EIF4G3: variants seen among roughly 807,000 people sequenced by gnomAD.
The protein encoded by EIF4G3 is eukaryotic translation initiation factor 4 gamma 3, also known as eIF-4-gamma 3.
Under a neutral mutation model 186.4 loss-of-function variants are expected in EIF4G3, and 34 were observed. That is an observed-to-expected ratio of 0.18 (90% CI 0.14 to 0.24). The LOEUF is 0.24. Among genes scored for constraint, EIF4G3 ranks in the 10% least tolerant of loss-of-function variants. The pLI, the probability that EIF4G3 is intolerant of heterozygous loss-of-function variation, is 1.00. For missense variants in EIF4G3, 1,536 were observed against 1,948.5 expected (o/e 0.79, Z 3.99); for synonymous variants, 673 against 679.5 (o/e 0.99, Z 0.15).
chr1:20,977,848 G>T (rs2077162619), intron 10 of EIF4G3, among the ~76,000 whole-genome samples: 1 of 152,012 alleles, frequency 6.6e-6, no homozygotes. Context: ...TATACATATT[G>T]TACAATAGTA....
Position 20,997,595 on chromosome 1 carries a change from C to G in EIF4G3, c.177+6G>C. ...GGGTGATAGTGAAGGGGCAAGGGTA[C>G]AGTACCTGATGATGGGGAGGTCGAG... is the stretch of plus-strand genomic sequence containing the variant. On this transcript the variant is annotated splice_donor_region_variant and intron_variant, in intron 7 of 36. Transcript: ENST00000602326. The G allele has an allele frequency of 6.5e-7, 1 of 1,549,794 alleles. No individual in the cohort carries two copies. The highest frequency in any genetic ancestry group is 8.7e-7 in the Non-Finnish European group (1 of 1,146,580).
At chr1:21,131,112 C>T (rs1029368295) in intron 2 of EIF4G3, among the ~76,000 whole-genome samples, 6 of 151,666 alleles carry the variant, frequency 4.0e-5, no homozygotes, top group South Asian at 2.1e-4. Flanking sequence ...TGCTGGTGCG[C>T]GCCTGTAATC....
intron 2 of EIF4G3, among the ~76,000 whole-genome samples, chr1:21,160,584 A>G (rs1244538732): frequency 6.6e-6 from 1 of 152,236 alleles, no homozygotes; most frequent in African/African-American, 2.4e-5. Context: ...TCATACTGAC[A>G]TCATGAATCT....
intron 8 of EIF4G3, among the ~76,000 whole-genome samples, chr1:20,981,547 TATGTATACATACATAC>T: frequency 7.8e-6 from 1 of 128,512 alleles, no homozygotes; most frequent in Non-Finnish European, 1.6e-5. Context: ...GCACATACTG[TATGTATACATACATAC>T]ATGTATACGC....
At position 20,866,569 on chromosome 1, in the gene EIF4G3, G is replaced by A. The variant is rs1193191901; in HGVS notation, c.2623-1307C>T. ...ATTTCACAGTCAGGCCTATTCTAAA[G>A]TCACACAAGTCAGCCTTCAAGAAAA... On this transcript the variant is annotated intron_variant, in intron 20 of 36. Transcript: ENST00000602326. 2.0e-5 allele frequency among the ~76,000 whole-genome samples: 3 copies of A among 152,152 alleles called. No homozygotes were observed. The East Asian group carries it at 5.8e-4, about 29-fold the overall frequency.
In EIF4G3 at chr1:21,176,231, TGCC is replaced by T. The variant is rs34197724; in HGVS notation, c.-331_-329del. On this transcript the variant is annotated 5_prime_UTR_variant, in exon 2 of 37. Coordinates refer to ENST00000602326, the MANE Select transcript of EIF4G3 (RefSeq NM_001391906.1). ...TGTTCGGGTGAGGAGGGGGGACCGC[TGCC>T]GCCGCCGCCGCCGCCGCCGCCGCCG... 116,747 of 344,176 alleles carry T rather than the reference TGCC, an allele frequency of 0.34. 21,446 individuals carry two copies. Among genetic ancestry groups the T allele is most frequent in the Non-Finnish European group, 0.38 (74,665 of 197,168 alleles). 21.3% of individuals were successfully genotyped at this position (344,176 alleles called of 1,614,324 possible).
intron 2 of EIF4G3, among the ~76,000 whole-genome samples, chr1:21,148,658 C>T (rs951719816): frequency 2.0e-5 from 3 of 147,976 alleles, no homozygotes; most frequent in Non-Finnish European, 4.5e-5. Context: ...GCCGAGATCG[C>T]GCCACTGCAC....
chr1:20,954,513 CGA>C (rs1369295871), intron 12 of EIF4G3, among the ~76,000 whole-genome samples: 2 of 113,340 alleles, frequency 1.8e-5, no homozygotes, highest in African/African-American at 6.8e-5. Context: ...TCCAGCCTGG[CGA>C]GAGAGTCAGA....
At chr1:20,836,310 C>T (rs530134344) in intron 30 of EIF4G3, among the ~76,000 whole-genome samples, 95 of 152,198 alleles carry the variant, frequency 6.2e-4, no homozygotes, top group Admixed American at 4.8e-3. Flanking sequence ...GTGATGCTCT[C>T]GCAGTTCACT....
At chr1:21,148,705 T>TA (rs765374275) in intron 2 of EIF4G3, among the ~76,000 whole-genome samples, 41,604 of 108,818 alleles carry the variant, frequency 0.38, 8,113 homozygotes, top group Non-Finnish European at 0.45. Flanking sequence ...CTGTCTCATT[T>TA]AAAAAAAAAA....
At chr1:21,055,183 A>G (rs1319940193) in intron 3 of EIF4G3, among the ~76,000 whole-genome samples, 1 of 152,116 alleles carries the variant, frequency 6.6e-6, no homozygotes, top group African/African-American at 2.4e-5. Flanking sequence ...AAGCTTATGA[A>G]TTTATATTAT....
Position 21,060,782 on chromosome 1 carries a change from GAA to G in EIF4G3, c.-195-9790_-195-9789del, listed in dbSNP as rs34598369. ...AACACAGCAAGATCCTGTCTCTTAA[GAA>G]AAAAAAAAAAAAAAAAAAAACAAAG... On this transcript the variant is annotated intron_variant, in intron 3 of 36. Coordinates refer to ENST00000602326, the MANE Select transcript of EIF4G3 (RefSeq NM_001391906.1). Among the ~76,000 whole-genome samples, 590 of 117,368 alleles carry G rather than the reference GAA, an allele frequency of 5.0e-3. 3 individuals are homozygous for G. Among genetic ancestry groups the G allele is most frequent in the Admixed American group, 0.011 (118 of 11,164 alleles). The allele number at this position is 117,368 out of a possible 152,430, so 77.0% of individuals were successfully genotyped here.
At chr1:21,137,689 T>TA (rs1346539874) in intron 2 of EIF4G3, among the ~76,000 whole-genome samples, 1 of 151,572 alleles carries the variant, frequency 6.6e-6, no homozygotes, top group Non-Finnish European at 1.5e-5. Flanking sequence ...GGCATGGTGG[T>TA]ACACACTTGT....
chr1:21,151,513 C>T (rs2097550559), intron 2 of EIF4G3, among the ~76,000 whole-genome samples: 1 of 151,972 alleles, frequency 6.6e-6, no homozygotes, highest in African/African-American at 2.4e-5. Context: ...GCTGGGATTA[C>T]AGGCGTGAGC....
intron 30 of EIF4G3, among the ~76,000 whole-genome samples, chr1:20,829,512 T>C (rs1156351382): frequency 6.6e-6 from 1 of 152,026 alleles, no homozygotes; most frequent in Non-Finnish European, 1.5e-5. Flanking sequence ...CTGAAGAACA[T>C]GAACTATGTA....
At chr1:20,937,492 A>G (rs2095554459) in intron 14 of EIF4G3, among the ~76,000 whole-genome samples, 1 of 152,218 alleles carries the variant, frequency 6.6e-6, no homozygotes, top group Non-Finnish European at 1.5e-5. Flanking sequence ...ATTTATCTGG[A>G]TAAGTTCATA....
At chr1:21,029,178 C>A (rs997354779) in intron 4 of EIF4G3, among the ~76,000 whole-genome samples, 1 of 152,014 alleles carries the variant, frequency 6.6e-6, no homozygotes, top group African/African-American at 2.4e-5. Context: ...CAACCACACC[C>A]AGCTAATGTT....
At chr1:20,964,736 G>A (rs2074235155) in intron 12 of EIF4G3, among the ~76,000 whole-genome samples, 1 of 152,172 alleles carries the variant, frequency 6.6e-6, no homozygotes, top group African/African-American at 2.4e-5. Flanking sequence ...AGTTGCTTGT[G>A]AAAGAGGCCG....
chr1:20,938,690 G>A (rs531647629), intron 14 of EIF4G3, among the ~76,000 whole-genome samples: 74 of 152,204 alleles, frequency 4.9e-4, no homozygotes, highest in Non-Finnish European at 7.2e-4. Context: ...ATATGACCAC[G>A]TCAGGTGGAT....
Sources: allele counts gnomAD v4.1 joint callset (sites outside exome capture counted in the v4.1 genomes callset), GRCh38; gene constraint gnomAD v4.1.1; transcripts MANE v1.5; gene names NCBI Gene and HGNC (gene_info 2026-07-23, HGNC 2026-07-21).